AQR: variants seen among roughly 807,000 people sequenced by gnomAD.
AQR encodes RNA helicase aquarius.
Under a neutral mutation model 180.5 loss-of-function variants are expected in AQR, and 61 were observed. The observed-to-expected ratio is 0.34, with a 90% CI of 0.28 to 0.42. AQR has a LOEUF of 0.42. Ranked by LOEUF, AQR falls within the 10% of genes least tolerant of loss-of-function variation. The pLI, the probability that AQR is intolerant of heterozygous loss-of-function variation, is 1.00. For missense variants in AQR, 1,281 were observed against 1,798.3 expected, an observed-to-expected ratio of 0.71 and a Z score of 5.20; for synonymous variants, 551 against 588.8, an observed-to-expected ratio of 0.94 and a Z score of 0.93.
chr15:34,901,845 G>C (rs768970843), intron 19 of AQR, among the ~76,000 whole-genome samples: 7 of 152,156 alleles, frequency 4.6e-5, no homozygotes, highest in Non-Finnish European at 7.4e-5. Context: ...ATCTAGAACA[G>C]TTTAAATATG....
At position 34,969,596 on chromosome 15, in the gene AQR, C is replaced by T. The variant is rs776922860; in HGVS notation, c.18G>A (p.Gln6=). ...CCGTAGGGGCCACGATCTTCTTGGG[C>T]TGCGCAGGGGCTGCCATGGCAGCAC... is the stretch of plus-strand genomic sequence containing the variant. The part of the protein sequence containing the change: MAAPA[Q]PKKIVAPTVS... The change falls in exon 1 of 35, where the codon CAG becomes CAA. Residue 6 remains glutamine (Q), a synonymous_variant. Coordinates refer to ENST00000156471, the MANE Select transcript of AQR (RefSeq NM_014691.3). The T allele has an allele frequency of 1.5e-5, 25 of 1,613,460 alleles. No homozygotes were observed. In the African/African-American group the frequency reaches 2.8e-4, roughly 18 times the overall value.
intron 27 of AQR, among the ~76,000 whole-genome samples, chr15:34,876,964 T>A (rs936970565): frequency 6.6e-6 from 1 of 152,204 alleles, no homozygotes; most frequent in Admixed American, 6.5e-5. Context: ...AATCTAAAAC[T>A]GATCTCAAAG....
rs992614686 is a variant in AQR, at chr15:34,898,114, G to A, written c.2244-409C>T. 3.3e-5 allele frequency among the ~76,000 whole-genome samples: 5 copies of A among 152,318 alleles called. No homozygotes were observed. The East Asian group carries it at 9.6e-4, about 29-fold the overall frequency. On this transcript the variant is annotated intron_variant, in intron 20 of 34. Transcript: ENST00000156471. ...TTCCTGGAAGAAAGAAGCAACAGCA[G>A]AGGCCAAGTACAAGCAGCGTATTTC...
At chr15:34,911,929 G>A (rs374323217) in intron 16 of AQR, among the ~76,000 whole-genome samples, 28 of 152,126 alleles carry the variant, frequency 1.8e-4, no homozygotes, top group African/African-American at 5.8e-4. Context: ...CAGGTCTTAC[G>A]TTAAAATCTT....
Position 34,964,222 on chromosome 15 carries a change from A to G in AQR, c.132+12T>C. On this transcript the variant is annotated intron_variant, in intron 2 of 34. Coordinates refer to ENST00000156471, the MANE Select transcript of AQR (RefSeq NM_014691.3). ...ACTTCTCAAGAATTATGTTGAAACCAAAAATACTTACCTTTATATCAAAAG... is the reference window on the plus strand; with the variant it reads ...ACTTCTCAAGAATTATGTTGAAACCGAAAATACTTACCTTTATATCAAAAG... 1 of 1,585,166 alleles carries G rather than the reference A, an allele frequency of 6.3e-7. No homozygotes were observed. The highest frequency in any genetic ancestry group is 8.6e-7 in the Non-Finnish European group (1 of 1,156,470).
chr15:34,941,049 G>A, intron 7 of AQR, 50 bp from the exon 8 acceptor site: 2 of 1,305,650 alleles, frequency 1.5e-6, no homozygotes, highest in Non-Finnish European at 2.2e-6. Flanking sequence ...AAGTTTACAA[G>A]GATAAGGATT....
rs886907909 is a variant in AQR at position 34,852,560 on chromosome 15, T to C, written c.*4232A>G. 7.5e-5 allele frequency: 10 copies of C among 133,168 alleles called. No homozygotes were observed. The highest frequency in any genetic ancestry group is 4.1e-3 in the Middle Eastern group (1 of 246). The allele number at this position is 133,168 out of a possible 1,614,324, so 8.2% of individuals were successfully genotyped here. Reference sequence around the variant, plus strand: ...ACTGTGTTCTAAGGAAATAGCTACCTATCTTATTAAAAAAAAACAAAAACA... The same window carrying C: ...ACTGTGTTCTAAGGAAATAGCTACCCATCTTATTAAAAAAAAACAAAAACA... On this transcript the variant is annotated 3_prime_UTR_variant, in exon 35 of 35. Transcript: ENST00000156471.
rs1365033943 is a variant in AQR at position 34,854,261 on chromosome 15, T to G, written c.*2531A>C. 6.6e-6 allele frequency: 1 copy of G among 152,124 alleles called. No individual in the cohort carries two copies. The highest frequency in any genetic ancestry group is 1.5e-5 in the Non-Finnish European group (1 of 68,022). 9.4% of individuals were successfully genotyped at this position (152,124 alleles called of 1,614,324 possible). A position where few individuals can be genotyped will look rare whatever the true frequency, so the allele number is the denominator to read the frequency against. Reference sequence around the variant, plus strand: ...TTTTTGGTTTTCTTTACAAAGAGATTCTAAAATCATGACACATTTAGATAT... The same window carrying G: ...TTTTTGGTTTTCTTTACAAAGAGATGCTAAAATCATGACACATTTAGATAT... On this transcript the variant is annotated 3_prime_UTR_variant, in exon 35 of 35. Coordinates refer to ENST00000156471, the MANE Select transcript of AQR (RefSeq NM_014691.3).
intron 27 of AQR, among the ~76,000 whole-genome samples, chr15:34,881,265 C>T (rs1454613882): frequency 1.3e-5 from 2 of 152,152 alleles, no homozygotes; most frequent in African/African-American, 4.8e-5. Flanking sequence ...TTCACACTAC[C>T]TTTTAATAAA....
At chr15:34,951,118 TC>T (rs1261719660) in intron 4 of AQR, among the ~76,000 whole-genome samples, 1 of 152,232 alleles carries the variant, frequency 6.6e-6, no homozygotes, top group African/African-American at 2.4e-5. Context: ...TGCAGCAAAT[TC>T]TATACAATAC....
At chr15:34,870,731 A>T (rs763175608) in intron 31 of AQR, 21 bp downstream of exon 31, 1 of 1,596,568 alleles carries the variant, frequency 6.3e-7, no homozygotes, top group South Asian at 1.1e-5. Flanking sequence ...ATAAGAGAAC[A>T]TATTATAATT....
At chr15:34,916,330 A>G (rs7174356) in intron 15 of AQR, among the ~76,000 whole-genome samples, 14,794 of 152,054 alleles carry the variant, frequency 0.097, 791 homozygotes, top group Middle Eastern at 0.16. Context: ...ACTTAACACT[A>G]TTTCTCTTAG....
At chr15:34,884,488 C>A in intron 26 of AQR, 37 bp downstream of exon 26, 5 of 1,440,246 alleles carry the variant, frequency 3.5e-6, no homozygotes, top group Non-Finnish European at 4.7e-6. Context: ...AATTAAAAAC[C>A]ACTAAAGGGA....
chr15:34,921,907 C>A (rs1893689688), intron 13 of AQR, among the ~76,000 whole-genome samples: 2 of 152,100 alleles, frequency 1.3e-5, no homozygotes, highest in African/African-American at 4.8e-5. Flanking sequence ...ACCTCCCGGG[C>A]TTAAGCAATC....
At chr15:34,942,121 GCATTTCTA>G in intron 6 of AQR, 41 bp from the exon 7 acceptor site, 1 of 1,497,046 alleles carries the variant, frequency 6.7e-7, no homozygotes, top group Non-Finnish European at 9.2e-7. Flanking sequence ...AAACATACCA[GCATTTCTA>G]CCTAAGTCTT....
intron 8 of AQR, 89 bp from the exon 9 acceptor site, chr15:34,938,902 T>C (rs2140495828): frequency 1.1e-6 from 1 of 899,924 alleles, no homozygotes; most frequent in Non-Finnish European, 1.8e-6. Context: ...CTTTCCAATA[T>C]TGTTCAACTG....
At chr15:34,925,480 G>A (rs1181083965) in intron 13 of AQR, among the ~76,000 whole-genome samples, 1 of 152,296 alleles carries the variant, frequency 6.6e-6, no homozygotes, top group South Asian at 2.1e-4. Flanking sequence ...CTGCTTCTAG[G>A]AATCAGTACG....
At chr15:34,919,470 T>TTTTAAAAA (rs1272676979) in intron 14 of AQR, among the ~76,000 whole-genome samples, 32 of 152,164 alleles carry the variant, frequency 2.1e-4, no homozygotes, top group Non-Finnish European at 4.6e-4. Flanking sequence ...AAACATAATG[T>TTTTAAAAA]TGTAGCACTA....
rs571101623 is a variant in AQR at position 34,868,440 on chromosome 15, T to C, written c.3769-831A>G. ...CTCAGACATTTATCTTTTCATCAATTTGACAAAAAGTTTATTGCTTACCCT... is the reference window on the plus strand; with the variant it reads ...CTCAGACATTTATCTTTTCATCAATCTGACAAAAAGTTTATTGCTTACCCT... On this transcript the variant is annotated intron_variant, in intron 31 of 34. Coordinates refer to ENST00000156471, the MANE Select transcript of AQR (RefSeq NM_014691.3). 3.9e-4 allele frequency: 59 copies of C among 152,322 alleles called. 1 individual carries two copies. Among genetic ancestry groups the C allele is most frequent in the African/African-American group, 1.4e-3 (59 of 41,578 alleles). 9.4% of individuals were successfully genotyped at this position (152,322 alleles called of 1,614,324 possible). A position where few individuals can be genotyped will look rare whatever the true frequency, so the allele number is the denominator to read the frequency against.
Sources: allele counts gnomAD v4.1 joint callset (sites outside exome capture counted in the v4.1 genomes callset), GRCh38; gene constraint gnomAD v4.1.1; transcripts MANE v1.5; gene names NCBI Gene and HGNC (gene_info 2026-07-23, HGNC 2026-07-21).